ERBB4: variants seen among roughly 807,000 people sequenced by gnomAD.
ERBB4 encodes the protein erb-b2 receptor tyrosine kinase 4.
ERBB4 carries 42 observed loss-of-function variants against 158.0 expected under a neutral mutation model. The ratio of observed to expected loss-of-function variants is 0.27; its 90% CI spans 0.21 to 0.34. The LOEUF (loss-of-function observed/expected upper bound fraction) is 0.34. ERBB4 is among the 10% of genes least tolerant of loss of function. ERBB4 has a pLI of 1.00. For synonymous variants in ERBB4, 583 were observed against 558.7 expected (o/e 1.04, Z -0.61); for missense variants, 1,333 against 1,624.1 (o/e 0.82, Z 3.08).
At chr2:211,739,744 C>G (rs2074727363) in intron 5 of ERBB4, among the ~76,000 whole-genome samples, 1 of 152,228 alleles carries the variant, frequency 6.6e-6, no homozygotes, top group Non-Finnish European at 1.5e-5. Flanking sequence ...GTTGGGATTA[C>G]AGGCGTGAGC....
intron 2 of ERBB4, among the ~76,000 whole-genome samples, chr2:212,099,343 A>C (rs1297442121): frequency 6.6e-6 from 1 of 152,070 alleles, no homozygotes. Flanking sequence ...TTACTTACTA[A>C]ATAGTAAGTC....
chr2:211,694,563 T>TTC, intron 12 of ERBB4, among the ~76,000 whole-genome samples: 1 of 147,252 alleles, frequency 6.8e-6, no homozygotes, highest in East Asian at 2.0e-4. Flanking sequence ...CTTGAATGCT[T>TTC]TTTTTTTTTT....
At chr2:211,915,462 A>G (rs1287866752) in intron 3 of ERBB4, among the ~76,000 whole-genome samples, 1 of 136,928 alleles carries the variant, frequency 7.3e-6, no homozygotes, top group East Asian at 1.9e-4. Context: ...TATATCTCCA[A>G]TACAATTATT....
intron 1 of ERBB4, among the ~76,000 whole-genome samples, chr2:212,448,656 C>T (rs777812517): frequency 9.7e-4 from 148 of 152,094 alleles, no homozygotes; most frequent in Non-Finnish European, 1.4e-3. Flanking sequence ...AGATTCTATA[C>T]TGCATCCTAG....
At chr2:212,477,572 T>C (rs1334115940) in intron 1 of ERBB4, among the ~76,000 whole-genome samples, 1 of 152,168 alleles carries the variant, frequency 6.6e-6, no homozygotes, top group African/African-American at 2.4e-5. Context: ...CAAATCTGTA[T>C]TTGCTGGTGA....
rs13396596 is a variant in ERBB4 at position 211,516,483 on chromosome 2, G to A, written c.2487+45420C>T. Reference sequence around the variant, plus strand: ...AGAGTAGCTTGGATTATAGGCGTGCGCCACCATGACTGTCTAATTTTTATA... The same window carrying A: ...AGAGTAGCTTGGATTATAGGCGTGCACCACCATGACTGTCTAATTTTTATA... On this transcript the variant is annotated intron_variant, in intron 20 of 27. Transcript: ENST00000342788. Among the ~76,000 whole-genome samples the A allele has an allele frequency of 8.7e-3, 1,319 of 151,680 alleles. 18 individuals carry two copies. Among genetic ancestry groups the A allele is most frequent in the African/African-American group, 0.029 (1,218 of 41,372 alleles).
chr2:211,762,002 A>G (rs1356933431), intron 4 of ERBB4, among the ~76,000 whole-genome samples: 1 of 152,208 alleles, frequency 6.6e-6, no homozygotes, highest in Non-Finnish European at 1.5e-5. Context: ...AGGTAATGAT[A>G]CCTACTTCAC....
intron 1 of ERBB4, among the ~76,000 whole-genome samples, chr2:212,297,226 C>T (rs1292872274): frequency 6.6e-6 from 1 of 151,976 alleles, no homozygotes; most frequent in Admixed American, 6.6e-5. Context: ...ACATAATCCA[C>T]TTTAGATTAT....
At chr2:211,514,923 C>T (rs1206329920) in intron 20 of ERBB4, among the ~76,000 whole-genome samples, 3 of 152,094 alleles carry the variant, frequency 2.0e-5, no homozygotes, top group African/African-American at 4.8e-5. Context: ...ATTAGAGATG[C>T]TCAACCTGTA....
chr2:211,750,789 C>T (rs2075109188), intron 4 of ERBB4, 85 bp from the exon 5 acceptor site: 2 of 1,193,586 alleles, frequency 1.7e-6, no homozygotes, highest in African/African-American at 1.5e-5. Flanking sequence ...AGGAAATACT[C>T]CTGCTCCTTT....
intron 1 of ERBB4, among the ~76,000 whole-genome samples, chr2:212,404,908 C>T (rs138432463): frequency 0.013 from 1,999 of 152,096 alleles, 52 homozygotes; most frequent in African/African-American, 0.045. Flanking sequence ...TGGTATTTGG[C>T]TTTCTGTTCC....
chr2:211,863,584 C>G (rs2078125530), intron 3 of ERBB4, among the ~76,000 whole-genome samples: 1 of 152,148 alleles, frequency 6.6e-6, no homozygotes, highest in African/African-American at 2.4e-5. Context: ...CCTTTAAGAG[C>G]TGTAACACTC....
chr2:211,566,317 G>A (rs746669882), intron 19 of ERBB4, among the ~76,000 whole-genome samples: 2 of 152,138 alleles, frequency 1.3e-5, no homozygotes, highest in Non-Finnish European at 2.9e-5. Flanking sequence ...TGGTAAGAAC[G>A]ATCACTGTAC....
chr2:211,542,455 A>T (rs2066835111), intron 20 of ERBB4, among the ~76,000 whole-genome samples: 1 of 151,968 alleles, frequency 6.6e-6, no homozygotes, highest in Non-Finnish European at 1.5e-5. Context: ...CTGCATCCAA[A>T]GTAACTATGA....
intron 2 of ERBB4, among the ~76,000 whole-genome samples, chr2:212,104,135 C>G (rs963784509): frequency 6.6e-5 from 10 of 152,026 alleles, no homozygotes; most frequent in Non-Finnish European, 1.3e-4. Context: ...TCATGCTTCT[C>G]AGGCATTTTG....
intron 1 of ERBB4, among the ~76,000 whole-genome samples, chr2:212,197,211 G>A (rs1170644093): frequency 6.6e-6 from 1 of 151,870 alleles, no homozygotes; most frequent in African/African-American, 2.4e-5. Flanking sequence ...CCAAACTGCT[G>A]GTATTTAGAA....
intron 3 of ERBB4, among the ~76,000 whole-genome samples, chr2:211,850,230 T>C (rs1467525508): frequency 6.6e-6 from 1 of 151,858 alleles, no homozygotes; most frequent in East Asian, 1.9e-4. Flanking sequence ...TTTGTCTGGG[T>C]TGGTGCTTAA....
chr2:211,961,210 C>T (rs1323837682), intron 2 of ERBB4, among the ~76,000 whole-genome samples: 1 of 147,870 alleles, frequency 6.8e-6, no homozygotes, highest in East Asian at 1.9e-4. Flanking sequence ...CTGCATTGTT[C>T]CTGCATTGGT....
intron 21 of ERBB4, among the ~76,000 whole-genome samples, chr2:211,430,554 A>T (rs2063726114): frequency 6.6e-6 from 1 of 152,138 alleles, no homozygotes. Context: ...TATGTTCTCT[A>T]TAAGAGTTAG....
Sources: allele counts gnomAD v4.1 joint callset (sites outside exome capture counted in the v4.1 genomes callset), GRCh38; gene constraint gnomAD v4.1.1; transcripts MANE v1.5; gene names NCBI Gene and HGNC (gene_info 2026-07-23, HGNC 2026-07-21).